ADD1: variants seen among roughly 807,000 people sequenced by gnomAD.
ADD1 encodes the protein alpha-adducin.
ADD1 carries 24 observed loss-of-function variants against 80.5 expected under a neutral mutation model. The ratio of observed to expected loss-of-function variants is 0.30; its 90% CI spans 0.22 to 0.42. ADD1 has a LOEUF of 0.42. Ranked by LOEUF, ADD1 falls within the 10% of genes least tolerant of loss-of-function variation. The pLI, the probability that ADD1 is intolerant of heterozygous loss-of-function variation, is 1.00. For synonymous variants in ADD1, 373 were observed against 393.8 expected, an observed-to-expected ratio of 0.95 and a Z score of 0.63; for missense variants, 948 against 1,019.0, an observed-to-expected ratio of 0.93 and a Z score of 0.95.
chr4:2,852,696 CTT>C (rs1312991635), intron 1 of ADD1, among the ~76,000 whole-genome samples: 18 of 118,682 alleles, frequency 1.5e-4, no homozygotes, highest in Admixed American at 2.7e-4. Flanking sequence ...CAGGAAATAT[CTT>C]TTTTTTTTTT....
At position 2,894,112 on chromosome 4, in the gene ADD1, T is replaced by A; in HGVS notation, c.591+19T>A. The A allele has an allele frequency of 6.3e-7, 1 of 1,599,556 alleles. No individual in the cohort carries two copies. The highest frequency in any genetic ancestry group is 8.6e-7 in the Non-Finnish European group (1 of 1,166,760). Reference sequence around the variant, plus strand: ...CAGTTTGGTAAGAATGTCCTTCTCTTTGGCAGCTTGTATGTGCAGGTCATG... The same window carrying A: ...CAGTTTGGTAAGAATGTCCTTCTCTATGGCAGCTTGTATGTGCAGGTCATG... On this transcript the variant is annotated intron_variant, in intron 5 of 15. Transcript: ENST00000683351.
intron 3 of ADD1, among the ~76,000 whole-genome samples, chr4:2,883,237 T>C (rs148184495): frequency 6.6e-6 from 1 of 152,302 alleles, no homozygotes; most frequent in African/African-American, 2.4e-5. Flanking sequence ...TACCTGGTGA[T>C]ACAGTTTGTG....
chr4:2,929,698 G>C lies in ADD1; in HGVS notation c.*1175G>C, dbSNP rs1712697774. 6.6e-6 allele frequency: 1 copy of C among 152,308 alleles called. No homozygotes were observed. The highest frequency in any genetic ancestry group is 2.4e-5 in the African/African-American group (1 of 41,452). The allele number at this position is 152,308 out of a possible 1,614,324, so 9.4% of individuals were successfully genotyped here. ...TGGGCTCAGATCCTGGGCATGATGGGCCGAGCCACCTCGGATCCCACTGAT... is the reference window on the plus strand; with the variant it reads ...TGGGCTCAGATCCTGGGCATGATGGCCCGAGCCACCTCGGATCCCACTGAT... On this transcript the variant is annotated 3_prime_UTR_variant, in exon 16 of 16. Transcript: ENST00000683351.
chr4:2,899,204 G>C, intron 8 of ADD1, 55 bp from the exon 9 acceptor site: 2 of 1,524,694 alleles, frequency 1.3e-6, no homozygotes, highest in East Asian at 2.3e-5. Flanking sequence ...CAAGTCATCT[G>C]ACCCTCTTGA....
chr4:2,918,763 TGA>T (rs1370572343), intron 14 of ADD1, among the ~76,000 whole-genome samples: 1 of 152,216 alleles, frequency 6.6e-6, no homozygotes, highest in Non-Finnish European at 1.5e-5. Flanking sequence ...CTGCGTCTAT[TGA>T]GATAATCATG....
At chr4:2,853,018 A>G (rs1399139986) in intron 1 of ADD1, 1 of 152,138 alleles carries the variant, frequency 6.6e-6, no homozygotes, top group Non-Finnish European at 1.5e-5. Flanking sequence ...TACAAATTAC[A>G]TATAGTGTTT....
intron 2 of ADD1, among the ~76,000 whole-genome samples, chr4:2,878,647 G>T (rs1731740454): frequency 6.6e-6 from 1 of 152,112 alleles, no homozygotes; most frequent in South Asian, 2.1e-4. Context: ...CATCAAGGCT[G>T]GGCGCGGTGG....
intron 8 of ADD1, chr4:2,898,968 G>A: frequency 2.4e-6 from 1 of 415,590 alleles, no homozygotes; most frequent in East Asian, 4.8e-5. Flanking sequence ...TCTCCCCTCT[G>A]CTTCTTGACT....
intron 1 of ADD1, chr4:2,855,105 T>G (rs1448085523): frequency 6.6e-6 from 1 of 152,206 alleles, no homozygotes; most frequent in Non-Finnish European, 1.5e-5. Flanking sequence ...GTGATTACAT[T>G]CAGGGCCCAC....
At chr4:2,855,462 A>C (rs1160639693) in intron 1 of ADD1, among the ~76,000 whole-genome samples, 2 of 151,294 alleles carry the variant, frequency 1.3e-5, no homozygotes, top group African/African-American at 4.9e-5. Flanking sequence ...GAAATGACAT[A>C]CTCTTAATAT....
At position 2,894,604 on chromosome 4, in the gene ADD1, A is replaced by C. The variant is rs776649509; in HGVS notation, c.614A>C (p.Asp205Ala). ...SSLVKINLQG[D>A]IVDRGSTNLG... is the part of the protein sequence containing the mutation. ...CAGGTTAAGATCAATCTACAAGGAG[A>C]TATAGTAGATCGTGGAAGCACTAAT... Residue 205 changes from aspartate to alanine, a missense_variant, in exon 6 of 16, where the codon GAT becomes GCT. By Grantham distance (126) the Asp-to-Ala change is moderately radical (BLOSUM62 -2). Coordinates refer to ENST00000683351, the MANE Select transcript of ADD1 (RefSeq NM_001354761.2). The C allele has an allele frequency of 1.9e-6, 3 of 1,608,364 alleles. No homozygotes were observed. Among genetic ancestry groups the C allele is most frequent in the Admixed American group, 3.4e-5 (2 of 59,248 alleles).
intron 1 of ADD1, among the ~76,000 whole-genome samples, chr4:2,845,159 G>C (rs1028700946): frequency 6.6e-6 from 1 of 151,894 alleles, no homozygotes. Context: ...TGCAATCTCC[G>C]CCTCCCAGGT....
At chr4:2,912,688 G>C (rs1738279351) in intron 13 of ADD1, among the ~76,000 whole-genome samples, 2 of 152,152 alleles carry the variant, frequency 1.3e-5, no homozygotes, top group South Asian at 4.1e-4. Context: ...CACCATGCTT[G>C]GCTAATTTTT....
At chr4:2,866,201 C>A (rs1729518445) in intron 1 of ADD1, among the ~76,000 whole-genome samples, 1 of 152,374 alleles carries the variant, frequency 6.6e-6, no homozygotes, top group South Asian at 2.1e-4. Flanking sequence ...CAGTCTCCCT[C>A]TGTTCCCCAG....
In ADD1 at chr4:2,928,161, C is replaced by G; in HGVS notation, c.2048-10C>G. ...GAACCCTTAATCCCATCTCTCACCTCACCCACTAGACCTTGTGCCGGAGCC... is the reference window on the plus strand; with the variant it reads ...GAACCCTTAATCCCATCTCTCACCTGACCCACTAGACCTTGTGCCGGAGCC... On this transcript the variant is annotated splice_polypyrimidine_tract_variant and intron_variant, in intron 15 of 15. Coordinates refer to ENST00000683351, the MANE Select transcript of ADD1 (RefSeq NM_001354761.2). 6.2e-7 allele frequency: 1 copy of G among 1,612,928 alleles called. No homozygotes were observed. Among genetic ancestry groups the G allele is most frequent in the Middle Eastern group, 1.7e-4 (1 of 6,048 alleles).
rs1311475181 is a variant in ADD1, at chr4:2,926,734, G to A, written c.2047+622G>A. ...GCCCTGCGCTTTGCCTCATTCTCCT[G>A]CTTCTTTGTTGTTTATTAAGTTTTG... On this transcript the variant is annotated intron_variant, in intron 15 of 15. Transcript: ENST00000683351. This position sits in a 1 kb window ranked among gnomAD's most constrained non-coding sequence, Gnocchi z 5.0. The A allele has an allele frequency of 4.5e-6, 7 of 1,544,246 alleles. No individual in the cohort carries two copies. The highest frequency in any genetic ancestry group is 6.2e-6 in the Non-Finnish European group (7 of 1,125,232).
rs1735003437 is a variant in ADD1, at chr4:2,895,252, T to G, written c.741+521T>G. 2.0e-5 allele frequency among the ~76,000 whole-genome samples: 3 copies of G among 152,008 alleles called. No individual in the cohort carries two copies. The South Asian group carries it at 6.2e-4, about 31-fold the overall frequency. On this transcript the variant is annotated intron_variant, in intron 6 of 15. Coordinates refer to ENST00000683351, the MANE Select transcript of ADD1 (RefSeq NM_001354761.2). ...GCCTGGGTGACAGAGTAAGACCTTG[T>G]CTCAAAAAAATAAAATAACAGTAAA... is the stretch of plus-strand genomic sequence containing the variant.
chr4:2,871,412 A>G (rs1257719431), intron 1 of ADD1, among the ~76,000 whole-genome samples: 2 of 152,230 alleles, frequency 1.3e-5, no homozygotes, highest in African/African-American at 2.4e-5. Context: ...TAGTTGGTGT[A>G]AGTGTCTTGA....
intron 14 of ADD1, among the ~76,000 whole-genome samples, chr4:2,917,956 T>C (rs188584350): frequency 4.6e-5 from 7 of 152,222 alleles, no homozygotes; most frequent in Admixed American, 6.5e-5. Context: ...TCAGGTAGTG[T>C]GATGCCTACA....
Sources: gnomAD v4.1 joint callset for allele counts (sites outside exome capture counted in the v4.1 genomes callset) on GRCh38, gnomAD v4.1.1 for gene constraint, Gnocchi (gnomAD v3.1) non-coding constraint, MANE v1.5 for transcripts, NCBI Gene and HGNC (gene_info 2026-07-23, HGNC 2026-07-21) for gene names.